CGGBP1: variants seen among roughly 807,000 people sequenced by gnomAD.
The protein encoded by CGGBP1 is CGG triplet repeat binding protein 1, also known as CGG triplet repeat-binding protein 1.
Under a neutral mutation model 11.4 loss-of-function variants are expected in CGGBP1, and 4 were observed. That is an observed-to-expected ratio of 0.35 (90% CI 0.17 to 0.80). CGGBP1 has a LOEUF of 0.80. Ranked by LOEUF, CGGBP1 falls within the 30% of genes least tolerant of loss-of-function variation. The pLI is 0.52. For synonymous variants in CGGBP1, 76 were observed against 74.1 expected (o/e 1.03, Z -0.13); for missense variants, 135 against 202.1 (o/e 0.67, Z 2.01).
Position 88,054,782 on chromosome 3 carries a change from G to A in CGGBP1, c.*691C>T, listed in dbSNP as rs1063597. 119,490 of 152,528 alleles carry A rather than the reference G, an allele frequency of 0.78. 47,728 individuals are homozygous for A. The highest frequency in any genetic ancestry group is 0.91 in the South Asian group (4,391 of 4,830). The allele number at this position is 152,528 out of a possible 1,614,324, so 9.4% of individuals were successfully genotyped here. ...ATTCATAGTAAGAGACTAAAATCCT[G>A]TCACTGCAAAATTCCCCTTGGCTTT... On this transcript the variant is annotated 3_prime_UTR_variant, in exon 4 of 4. Coordinates refer to ENST00000482016, the MANE Select transcript of CGGBP1 (RefSeq NM_001008390.2).
intron 2 of CGGBP1, among the ~76,000 whole-genome samples, chr3:88,137,453 A>G (rs1023795925): frequency 6.6e-6 from 1 of 152,188 alleles, no homozygotes; most frequent in Admixed American, 6.5e-5. Flanking sequence ...TTCAGAGGTT[A>G]CTATGTACCA....
At chr3:88,146,678 C>G (rs1388247542) in intron 1 of CGGBP1, among the ~76,000 whole-genome samples, 3 of 152,116 alleles carry the variant, frequency 2.0e-5, no homozygotes, top group African/African-American at 7.2e-5. Context: ...AACCCCGCAC[C>G]TACCCTCATC....
chr3:88,142,469 T>C (rs773482764), intron 1 of CGGBP1: 2 of 152,330 alleles, frequency 1.3e-5, no homozygotes, highest in Non-Finnish European at 2.9e-5. Flanking sequence ...GGCTTTGTAG[T>C]TGAAGGAAAA....
At chr3:88,117,046 T>G (rs185891588) in intron 2 of CGGBP1, among the ~76,000 whole-genome samples, 36 of 152,218 alleles carry the variant, frequency 2.4e-4, no homozygotes, top group Non-Finnish European at 4.4e-4. Flanking sequence ...TTATAATATC[T>G]TCCATGAATA....
chr3:88,146,025 G>C (rs1185461690), intron 1 of CGGBP1, among the ~76,000 whole-genome samples: 1 of 152,188 alleles, frequency 6.6e-6, no homozygotes, highest in African/African-American at 2.4e-5. Context: ...GGTCAGATTT[G>C]CCTGAGGATC....
chr3:88,127,998 T>C (rs934607398), intron 2 of CGGBP1, among the ~76,000 whole-genome samples: 5 of 152,198 alleles, frequency 3.3e-5, no homozygotes, highest in Non-Finnish European at 7.3e-5. Context: ...ACTGATTAAA[T>C]ATAAGTAATT....
upstream of CGGBP1, chr3:88,059,451 C>A: frequency 6.6e-7 from 1 of 1,523,736 alleles, no homozygotes; most frequent in Non-Finnish European, 8.8e-7. Flanking sequence ...GCAGCGGCAA[C>A]TGCGGCGGCG....
chr3:88,064,212 T>A (rs971289851), intron 2 of CGGBP1, among the ~76,000 whole-genome samples: 5 of 152,052 alleles, frequency 3.3e-5, no homozygotes, highest in African/African-American at 9.7e-5. Flanking sequence ...TGGCAACTCT[T>A]TCAGTTTTGA....
rs35595112 is a variant in CGGBP1 at position 88,109,142 on chromosome 3, AGTGT to A, written c.-229+31824_-229+31827del. Among the ~76,000 whole-genome samples, 433 of 142,518 alleles carry A rather than the reference AGTGT, an allele frequency of 3.0e-3. 1 individual carries two copies. Among genetic ancestry groups the A allele is most frequent in the East Asian group, 0.011 (51 of 4,834 alleles). 93.5% of individuals were successfully genotyped at this position (142,518 alleles called of 152,430 possible). ...TATCCCCTGTGGATAAGTGGGCACT[AGTGT>A]GTGTGTGTGTGTGTGTGTGTGTGTG... On this transcript the variant is annotated intron_variant, in intron 2 of 3. Transcript: ENST00000462901.
rs1559678360 is a variant in CGGBP1, at chr3:88,056,005, A to T, written c.-23-6T>A. 1 of 1,556,308 alleles carries T rather than the reference A, an allele frequency of 6.4e-7. No homozygotes were observed. The highest frequency in any genetic ancestry group is 2.2e-5 in the East Asian group (1 of 44,458). On this transcript the variant is annotated splice_polypyrimidine_tract_variant and splice_region_variant and intron_variant, in intron 3 of 3. Coordinates refer to ENST00000482016, the MANE Select transcript of CGGBP1 (RefSeq NM_001008390.2). ...GACTCTAAATAAATATGGTTCTTTC[A>T]AGACAAAAGAAACAAAGATGAGTAT...
intron 2 of CGGBP1, among the ~76,000 whole-genome samples, chr3:88,127,173 A>G (rs1426513559): frequency 1.3e-5 from 2 of 152,310 alleles, no homozygotes. Context: ...GGGGAAAAAA[A>G]CAAGACCTCC....
intron 2 of CGGBP1, among the ~76,000 whole-genome samples, chr3:88,102,723 C>G (rs1159174170): frequency 2.0e-5 from 3 of 151,376 alleles, no homozygotes; most frequent in Non-Finnish European, 4.4e-5. Context: ...AACTTCTAAC[C>G]GGTTTTACTC....
intron 2 of CGGBP1, chr3:88,113,101 C>T (rs1179866664): frequency 6.6e-7 from 1 of 1,510,372 alleles, no homozygotes; most frequent in Non-Finnish European, 8.9e-7. Flanking sequence ...AAGTTATTCA[C>T]TTATTCTTTC....
intron 2 of CGGBP1, among the ~76,000 whole-genome samples, chr3:88,137,235 A>G (rs941937577): frequency 1.4e-5 from 2 of 147,534 alleles, no homozygotes; most frequent in African/African-American, 4.9e-5. Context: ...AGATAGAAGT[A>G]TGGAGAAAGA....
intron 2 of CGGBP1, chr3:88,128,667 CAAAT>C (rs1268584404): frequency 5.3e-6 from 3 of 570,990 alleles, no homozygotes; most frequent in Non-Finnish European, 5.9e-6. Context: ...AATATTTTCA[CAAAT>C]AAACTCCTAC....
At chr3:88,105,560 G>T (rs1207321652) in intron 2 of CGGBP1, among the ~76,000 whole-genome samples, 2 of 152,060 alleles carry the variant, frequency 1.3e-5, no homozygotes, top group Non-Finnish European at 2.9e-5. Context: ...TGGGTCAAAG[G>T]ATGAACACAT....
chr3:88,068,341 T>G (rs1576192512), intron 2 of CGGBP1, among the ~76,000 whole-genome samples: 1 of 152,086 alleles, frequency 6.6e-6, no homozygotes, highest in East Asian at 1.9e-4. Flanking sequence ...GGGCTCCACT[T>G]GTGGCAAAAC....
intron 2 of CGGBP1, among the ~76,000 whole-genome samples, chr3:88,138,476 T>G (rs1706934395): frequency 1.3e-5 from 2 of 152,106 alleles, no homozygotes; most frequent in Admixed American, 1.3e-4. Flanking sequence ...GAAAATTAAA[T>G]AAATTAGAAG....
At chr3:88,119,187 A>G (rs1436710611) in intron 2 of CGGBP1, among the ~76,000 whole-genome samples, 1 of 148,248 alleles carries the variant, frequency 6.7e-6, no homozygotes, top group Non-Finnish European at 1.5e-5. Context: ...CATACACACC[A>G]TGGAATACTA....
Sources: gnomAD v4.1 joint callset for allele counts (sites outside exome capture counted in the v4.1 genomes callset) on GRCh38, gnomAD v4.1.1 for gene constraint, MANE v1.5 for transcripts, NCBI Gene and HGNC (gene_info 2026-07-23, HGNC 2026-07-21) for gene names.